The following EIF4H variants were observed in gnomAD, a reference collection of about 807,000 sequenced individuals.
EIF4H encodes the protein eukaryotic translation initiation factor 4H, also known as Williams-Beuren syndrome chromosome region 1.
In EIF4H, 8 loss-of-function variants were observed where a neutral mutation model predicts 30.6. The ratio of observed to expected loss-of-function variants is 0.26; its 90% CI spans 0.15 to 0.47. The LOEUF is 0.47. Among genes scored for constraint, EIF4H ranks in the 20% least tolerant of loss-of-function variants. The pLI is 0.99. For synonymous variants in EIF4H, 106 were observed against 122.7 expected (o/e 0.86, Z 0.90); for missense variants, 188 against 339.5 (o/e 0.55, Z 3.51).
intron 1 of EIF4H, among the ~76,000 whole-genome samples, chr7:74,182,376 A>G (rs1194885962): frequency 6.6e-6 from 1 of 152,144 alleles, no homozygotes; most frequent in Non-Finnish European, 1.5e-5. Context: ...CTGTTTGTAG[A>G]TATGGGGTTT....
intron 1 of EIF4H, among the ~76,000 whole-genome samples, chr7:74,183,480 T>G (rs535323666): frequency 2.6e-5 from 4 of 152,202 alleles, no homozygotes; most frequent in Admixed American, 1.3e-4. Context: ...GATTGAAATA[T>G]AACAGACAAG....
At position 74,190,279 on chromosome 7, in the gene EIF4H, T is replaced by C. The variant is rs1554709733; in HGVS notation, c.442T>C (p.Trp148Arg). ...TAGCTCTCGAGAATCTAGAGGTGGATGGGATTCCCGGGATGACTTCAATTC... is the reference window on the plus strand; with the variant it reads ...TAGCTCTCGAGAATCTAGAGGTGGACGGGATTCCCGGGATGACTTCAATTC... ...MGSSRESRGGWDSRDDFNSGF... is the reference protein window; with the variant it reads ...MGSSRESRGGRDSRDDFNSGF... The change falls in exon 5 of 7, where the codon TGG becomes CGG. Residue 148 changes from tryptophan (W) to arginine (R), a missense_variant. This residue lies in a region of EIF4H where 76 missense variants were observed against 85.8 expected (regional missense o/e 0.89). Transcript: ENST00000265753. 7 of 1,614,232 alleles carry C rather than the reference T, an allele frequency of 4.3e-6. No homozygotes were observed. Among genetic ancestry groups the C allele is most frequent in the Non-Finnish European group, 5.9e-6 (7 of 1,180,030 alleles).
rs567506968 is a variant in EIF4H, at chr7:74,176,557, G to A, written c.59+2115G>A. Among the ~76,000 whole-genome samples, 16 of 152,306 alleles carry A rather than the reference G, an allele frequency of 1.1e-4. No homozygotes were observed. The South Asian group carries it at 3.1e-3, about 30-fold the overall frequency. Reference sequence around the variant, plus strand: ...CCCTTGTCTAAAATGCCTCAGACAGGCTCGTACATCTCACCTCTGAATTAC... The same window carrying A: ...CCCTTGTCTAAAATGCCTCAGACAGACTCGTACATCTCACCTCTGAATTAC... On this transcript the variant is annotated intron_variant, in intron 1 of 6. Transcript: ENST00000265753.
At position 74,189,881 on chromosome 7, in the gene EIF4H, T is replaced by G. The variant is rs781854798; in HGVS notation, c.372T>G (p.Gly124=). The change falls in exon 4 of 7, where the codon GGT becomes GGG. Residue 124 remains glycine, a synonymous_variant. Coordinates refer to ENST00000265753, the MANE Select transcript of EIF4H (RefSeq NM_022170.2). Reference sequence around the variant, plus strand: ...CAGAAGGCAGAAAACAAGATAAAGGTGGCTTTGGATTCAGAAAAGGTGGAC... The same window carrying G: ...CAGAAGGCAGAAAACAAGATAAAGGGGGCTTTGGATTCAGAAAAGGTGGAC... ...DIAEGRKQDK[G]GFGFRKGGPD... 6.2e-7 allele frequency: 1 copy of G among 1,614,200 alleles called. No homozygotes were observed. The highest frequency in any genetic ancestry group is 8.5e-7 in the Non-Finnish European group (1 of 1,180,040).
Position 74,174,453 on chromosome 7 carries a change from C to T in EIF4H, c.59+11C>T. The T allele has an allele frequency of 1.4e-6, 2 of 1,423,896 alleles. No homozygotes were observed. Among genetic ancestry groups the T allele is most frequent in the Non-Finnish European group, 9.3e-7 (1 of 1,073,290 alleles). The allele number at this position is 1,423,896 out of a possible 1,614,324, so 88.2% of individuals were successfully genotyped here. On this transcript the variant is annotated intron_variant, in intron 1 of 6. Transcript: ENST00000265753. Reference sequence around the variant, plus strand: ...CGGCGGCGGCAGAGGGTGAGGCGGGCGTGCGCGGGCCCCGTCGGGGGCTGC... The same window carrying T: ...CGGCGGCGGCAGAGGGTGAGGCGGGTGTGCGCGGGCCCCGTCGGGGGCTGC...
Position 74,174,444 on chromosome 7 carries a change from T to C in EIF4H, c.59+2T>C. 1 of 1,432,090 alleles carries C rather than the reference T, an allele frequency of 7.0e-7. No homozygotes were observed. Among genetic ancestry groups the C allele is most frequent in the South Asian group, 1.5e-5 (1 of 67,504 alleles). 88.7% of individuals were successfully genotyped at this position (1,432,090 alleles called of 1,614,324 possible). ...CAGCAGCTTCGGCGGCGGCAGAGGGTGAGGCGGGCGTGCGCGGGCCCCGTC... is the reference window on the plus strand; with the variant it reads ...CAGCAGCTTCGGCGGCGGCAGAGGGCGAGGCGGGCGTGCGCGGGCCCCGTC... On this transcript the variant is annotated splice_donor_variant, in intron 1 of 6. Transcript: ENST00000265753. LOFTEE classifies it high-confidence loss of function.
At chr7:74,188,124 A>G (rs1187745193) in intron 2 of EIF4H, among the ~76,000 whole-genome samples, 1 of 152,236 alleles carries the variant, frequency 6.6e-6, no homozygotes, top group Non-Finnish European at 1.5e-5. Context: ...ACTCTTAGGC[A>G]CATTCCTCCT....
chr7:74,195,338 G>C lies in EIF4H; in HGVS notation c.*30G>C. The C allele has an allele frequency of 6.2e-7, 1 of 1,605,824 alleles. No homozygotes were observed. The highest frequency in any genetic ancestry group is 2.1e-4 in the Middle Eastern group (1 of 4,818). ...GCGGTTGGGAGGGAATGGGGCGTGG[G>C]GGGTTAGAGCAGGACCACAGCCTGG... On this transcript the variant is annotated 3_prime_UTR_variant, in exon 7 of 7. Coordinates refer to ENST00000265753, the MANE Select transcript of EIF4H (RefSeq NM_022170.2).
chr7:74,185,995 G>A (rs1801071705), intron 1 of EIF4H, among the ~76,000 whole-genome samples: 1 of 152,042 alleles, frequency 6.6e-6, no homozygotes, highest in African/African-American at 2.4e-5. Flanking sequence ...TCTACAATAA[G>A]GTTGAAATAA....
chr7:74,186,300 A>G (rs1193113222), intron 1 of EIF4H, among the ~76,000 whole-genome samples: 2 of 147,204 alleles, frequency 1.4e-5, no homozygotes, highest in East Asian at 4.0e-4. Context: ...TACAACCTCC[A>G]CCTCCTGGGT....
chr7:74,188,507 A>C lies in EIF4H; in HGVS notation c.247+709A>C, dbSNP rs1218874964. On this transcript the variant is annotated intron_variant, in intron 2 of 6. Coordinates refer to ENST00000265753, the MANE Select transcript of EIF4H (RefSeq NM_022170.2). ...GTAACTTGGGGCGGGGAGCTGTGCC[A>C]GCAGTCGAGAAGGCCTTGCTGACCT... Among the ~76,000 whole-genome samples the C allele has an allele frequency of 3.3e-5, 5 of 152,294 alleles. No homozygotes were observed. In the East Asian group the frequency reaches 9.6e-4, roughly 29 times the overall value.
chr7:74,191,233 A>T, intron 5 of EIF4H: 1 of 534,360 alleles, frequency 1.9e-6, no homozygotes, highest in South Asian at 1.4e-5. Context: ...ATAAAAGTGC[A>T]GTATGGTGAA....
intron 1 of EIF4H, among the ~76,000 whole-genome samples, chr7:74,185,220 T>A (rs1386991638): frequency 3.3e-5 from 5 of 152,182 alleles, no homozygotes; most frequent in Non-Finnish European, 7.3e-5. Context: ...CTTGAACTCC[T>A]GGCTTTAAGT....
At chr7:74,189,580 A>G in intron 2 of EIF4H, 93 bp from the exon 3 acceptor site, 1 of 1,388,214 alleles carries the variant, frequency 7.2e-7, no homozygotes, top group Non-Finnish European at 1.0e-6. Flanking sequence ...ACAGAATGGT[A>G]GTTGTGACGT....
rs1554710718 is a variant in EIF4H, at chr7:74,196,022, G to T, written c.*714G>T. 6.6e-6 allele frequency: 1 copy of T among 152,240 alleles called. No individual in the cohort carries two copies. The highest frequency in any genetic ancestry group is 1.9e-4 in the East Asian group (1 of 5,176). The allele number at this position is 152,240 out of a possible 1,614,324, so 9.4% of individuals were successfully genotyped here. On this transcript the variant is annotated 3_prime_UTR_variant, in exon 7 of 7. Transcript: ENST00000265753. ...GGGGGGGCTATGGAAGAGCGGTAGGGAGTCCACGGAGAAGATGCAGTGAAT... is the reference window on the plus strand; with the variant it reads ...GGGGGGGCTATGGAAGAGCGGTAGGTAGTCCACGGAGAAGATGCAGTGAAT...
chr7:74,190,365 T>C, intron 5 of EIF4H, 59 bp downstream of exon 5: 1 of 1,555,904 alleles, frequency 6.4e-7, no homozygotes, highest in African/African-American at 1.4e-5. Context: ...TGCTGTTCTC[T>C]GTTTCTTACG....
At chr7:74,191,110 G>C (rs1554709861) in intron 5 of EIF4H, 1 of 523,152 alleles carries the variant, frequency 1.9e-6, no homozygotes, top group Non-Finnish European at 3.9e-6. Flanking sequence ...GGTGCACGCT[G>C]TCTTGTGAGT....
chr7:74,193,108 C>G (rs1801262148), intron 5 of EIF4H, among the ~76,000 whole-genome samples: 1 of 152,182 alleles, frequency 6.6e-6, no homozygotes, highest in South Asian at 2.1e-4. Context: ...TTAGAAAGCT[C>G]ATCCCACACC....
At chr7:74,182,680 G>A (rs1213575270) in intron 1 of EIF4H, among the ~76,000 whole-genome samples, 1 of 152,194 alleles carries the variant, frequency 6.6e-6, no homozygotes, top group South Asian at 2.1e-4. Context: ...ACTACAGGCC[G>A]GAGCCACATG....
Sources: gnomAD v4.1 joint callset for allele counts (sites outside exome capture counted in the v4.1 genomes callset) on GRCh38, gnomAD v4.1.1 for gene constraint, gnomAD v4.1.1 regional missense constraint, MANE v1.5 for transcripts, NCBI Gene and HGNC (gene_info 2026-07-23, HGNC 2026-07-21) for gene names.